CNTN1: variants seen among roughly 807,000 people sequenced by gnomAD.
CNTN1 encodes contactin 1.
CNTN1 carries 38 observed loss-of-function variants against 126.4 expected under a neutral mutation model. The observed-to-expected ratio is 0.30, with a 90% CI of 0.23 to 0.39. The LOEUF (loss-of-function observed/expected upper bound fraction) is 0.39. Among genes scored for constraint, CNTN1 ranks in the 10% least tolerant of loss-of-function variants. CNTN1 has a pLI of 1.00. For missense variants in CNTN1, 1,009 were observed against 1,248.4 expected, an observed-to-expected ratio of 0.81 and a Z score of 2.89; for synonymous variants, 413 against 422.6, an observed-to-expected ratio of 0.98 and a Z score of 0.28.
chr12:40,911,068 C>A (rs191680222), intron 3 of CNTN1, among the ~76,000 whole-genome samples: 1 of 152,132 alleles, frequency 6.6e-6, no homozygotes, highest in Admixed American at 6.5e-5. Flanking sequence ...AGGCGAAAGG[C>A]ACTTTTTAAT....
At chr12:40,803,191 T>G (rs1940718976) in intron 1 of CNTN1, among the ~76,000 whole-genome samples, 1 of 152,002 alleles carries the variant, frequency 6.6e-6, no homozygotes, top group Non-Finnish European at 1.5e-5. Context: ...TTTCTTCTGT[T>G]AATTGTAGAT....
At chr12:40,872,212 T>TTG (rs61187240) in intron 1 of CNTN1, among the ~76,000 whole-genome samples, 9,462 of 113,400 alleles carry the variant, frequency 0.083, 358 homozygotes, top group East Asian at 0.15. Flanking sequence ...GTTGCTTTGT[T>TTG]TGTGTGTGTG....
intron 15 of CNTN1, among the ~76,000 whole-genome samples, chr12:40,977,565 T>C (rs1947710269): frequency 7.2e-6 from 1 of 139,854 alleles, no homozygotes; most frequent in Non-Finnish European, 1.6e-5. Context: ...GGTAAATGAA[T>C]ACTCTGTAAA....
At chr12:40,700,280 C>CA (rs1941562523) in intron 1 of CNTN1, among the ~76,000 whole-genome samples, 1 of 152,030 alleles carries the variant, frequency 6.6e-6, no homozygotes, top group South Asian at 2.1e-4. Context: ...GTAATCCCAG[C>CA]ACTTTGGGAG....
chr12:40,836,883 T>C (rs1942079998), intron 1 of CNTN1, among the ~76,000 whole-genome samples: 1 of 152,222 alleles, frequency 6.6e-6, no homozygotes, highest in South Asian at 2.1e-4. Context: ...ATCCTCACTT[T>C]TAAGTTGGAT....
chr12:40,952,667 A>G (rs1946732313), intron 14 of CNTN1, among the ~76,000 whole-genome samples: 1 of 152,098 alleles, frequency 6.6e-6, no homozygotes, highest in Admixed American at 6.6e-5. Context: ...GTCAGTTCGC[A>G]TGTATATTTA....
rs10879356 is a variant in CNTN1, at chr12:40,918,563, A to T, written c.95-76A>T. 0.45 allele frequency: 593,561 copies of T among 1,331,212 alleles called. 132,696 individuals carry two copies. The highest frequency in any genetic ancestry group is 0.57 in the African/African-American group (37,946 of 66,074). 82.5% of individuals were successfully genotyped at this position (1,331,212 alleles called of 1,614,324 possible). A position where few individuals can be genotyped will look rare whatever the true frequency, so the allele number is the denominator to read the frequency against. On this transcript the variant is annotated intron_variant, in intron 3 of 23. Coordinates refer to ENST00000551295, the MANE Select transcript of CNTN1 (RefSeq NM_001843.4). ...TTCTGTTTCTGATTTTTTTCAAGTAATTTTTTTTCAATGTTCTCAAATTTT... is the reference window on the plus strand; with the variant it reads ...TTCTGTTTCTGATTTTTTTCAAGTATTTTTTTTTCAATGTTCTCAAATTTT...
At chr12:41,059,221 C>T (rs1319872872) in intron 23 of CNTN1, among the ~76,000 whole-genome samples, 1 of 151,690 alleles carries the variant, frequency 6.6e-6, no homozygotes, top group Non-Finnish European at 1.5e-5. Flanking sequence ...ATACCAAATA[C>T]CAAAATACAG....
chr12:40,972,136 A>C, intron 15 of CNTN1: 1 of 985,432 alleles, frequency 1.0e-6, no homozygotes, highest in Non-Finnish European at 1.2e-6. Flanking sequence ...CATGTGGGGG[A>C]AACCCTCATC....
Position 40,937,618 on chromosome 12 carries a change from G to A in CNTN1, c.1159G>A (p.Gly387Arg), listed in dbSNP as rs767168253. 3.7e-6 allele frequency: 6 copies of A among 1,612,870 alleles called. No individual in the cohort carries two copies. Among genetic ancestry groups the A allele is most frequent in the South Asian group, 1.1e-5 (1 of 91,072 alleles). The change falls in exon 11 of 24, where the codon GGA (glycine) becomes AGA (arginine). Residue 387 changes from glycine (G) to arginine (R), a missense_variant. Coordinates refer to ENST00000551295, the MANE Select transcript of CNTN1 (RefSeq NM_001843.4). Reference protein sequence around the residue: ...RLYDVTFENAGMYQCIAENTY... With the variant: ...RLYDVTFENARMYQCIAENTY... The stretch of plus-strand genomic sequence containing the variant: ...GTATGATGTGACTTTTGAAAATGCC[G>A]GAATGTATCAGTGCATAGCTGAAAA...
At chr12:40,801,245 C>T (rs918134046) in intron 1 of CNTN1, among the ~76,000 whole-genome samples, 3 of 151,794 alleles carry the variant, frequency 2.0e-5, no homozygotes, top group Non-Finnish European at 4.4e-5. Flanking sequence ...CTGACATTAG[C>T]GATAACATAC....
intron 1 of CNTN1, among the ~76,000 whole-genome samples, chr12:40,754,695 G>C (rs1938533395): frequency 6.6e-6 from 1 of 151,758 alleles, no homozygotes; most frequent in Admixed American, 6.6e-5. Context: ...TATTTATGTT[G>C]CAAGTTTTTT....
chr12:41,069,749 G>C (rs1029022315), intron 23 of CNTN1, among the ~76,000 whole-genome samples: 1 of 152,114 alleles, frequency 6.6e-6, no homozygotes, highest in Non-Finnish European at 1.5e-5. Flanking sequence ...TAATCATGTT[G>C]TGTAAACAGT....
chr12:40,713,334 G>A (rs1263357742), intron 1 of CNTN1, among the ~76,000 whole-genome samples: 1 of 151,320 alleles, frequency 6.6e-6, no homozygotes, highest in African/African-American at 2.4e-5. Flanking sequence ...AATAGTTACA[G>A]GGATTTATTG....
intron 1 of CNTN1, among the ~76,000 whole-genome samples, chr12:40,719,780 A>G (rs2121209072): frequency 6.6e-6 from 1 of 152,316 alleles, no homozygotes; most frequent in African/African-American, 2.4e-5. Context: ...TTAAAAGAGT[A>G]GAGTTTGTTA....
At chr12:40,896,928 C>T (rs1944432715) in intron 1 of CNTN1, among the ~76,000 whole-genome samples, 3 of 152,166 alleles carry the variant, frequency 2.0e-5, no homozygotes, top group Admixed American at 1.3e-4. Context: ...TTCTCATTTA[C>T]AAACTGAAGC....
intron 1 of CNTN1, among the ~76,000 whole-genome samples, chr12:40,754,041 G>C (rs945145179): frequency 2.0e-5 from 3 of 151,938 alleles, no homozygotes; most frequent in African/African-American, 7.2e-5. Flanking sequence ...GTTATCAGTT[G>C]ATATTCCACC....
chr12:41,007,888 C>T (rs1948542452), intron 17 of CNTN1, among the ~76,000 whole-genome samples: 1 of 152,206 alleles, frequency 6.6e-6, no homozygotes, highest in Non-Finnish European at 1.5e-5. Flanking sequence ...TTTATGTCTG[C>T]AGCTCAACTT....
At chr12:40,791,181 T>G (rs887257084) in intron 1 of CNTN1, among the ~76,000 whole-genome samples, 1 of 152,164 alleles carries the variant, frequency 6.6e-6, no homozygotes, top group Non-Finnish European at 1.5e-5. Flanking sequence ...GTTCATCAAC[T>G]TTTTTTGTTT....
Sources: allele counts gnomAD v4.1 joint callset (sites outside exome capture counted in the v4.1 genomes callset), GRCh38; gene constraint gnomAD v4.1.1; transcripts MANE v1.5; gene names NCBI Gene and HGNC (gene_info 2026-07-23, HGNC 2026-07-21).